The following TNNI3K variants were observed in gnomAD, a reference collection of about 807,000 sequenced individuals.
TNNI3K encodes TNNI3 interacting kinase, also known as serine/threonine-protein kinase TNNI3K.
A neutral mutation model predicts 114.5 loss-of-function variants in TNNI3K; 140 were observed. That is an observed-to-expected ratio of 1.22 (90% confidence interval 1.07 to 1.41). TNNI3K has a LOEUF of 1.41. Ranked by LOEUF, TNNI3K falls within the 40% of genes most tolerant of loss-of-function variation. The probability of loss-of-function intolerance (pLI) is 0.00; values close to 1 mark genes in which losing one functional copy is unlikely to be tolerated. For missense variants in TNNI3K, 1,125 were observed against 1,007.6 expected (o/e 1.12, Z -1.58); for synonymous variants, 347 against 347.5 (o/e 1.00, Z 0.02).
intron 21 of TNNI3K, chr1:74,481,083 CAAT>C: frequency 1.7e-6 from 1 of 585,328 alleles, no homozygotes; most frequent in South Asian, 2.2e-5. Flanking sequence ...TGGGTAAAAA[CAAT>C]AAACAATACA....
intron 17 of TNNI3K, among the ~76,000 whole-genome samples, chr1:74,389,333 G>A (rs1402943203): frequency 6.6e-6 from 1 of 152,170 alleles, no homozygotes; most frequent in Non-Finnish European, 1.5e-5. Flanking sequence ...CTTGTTGTCA[G>A]GGTAGATAAT....
intron 17 of TNNI3K, chr1:74,370,831 G>A (rs1321176938): frequency 6.6e-6 from 1 of 152,184 alleles, no homozygotes; most frequent in African/African-American, 2.4e-5. Context: ...CTAGTTATCA[G>A]GTAAAGAGGA....
At chr1:74,511,044 T>C (rs181424469) in intron 23 of TNNI3K, among the ~76,000 whole-genome samples, 19 of 151,212 alleles carry the variant, frequency 1.3e-4, no homozygotes, top group Non-Finnish European at 1.8e-4. Flanking sequence ...TCTGCCACCA[T>C]GCCCAGCTAA....
intron 4 of TNNI3K, among the ~76,000 whole-genome samples, chr1:74,262,145 T>C: frequency 6.6e-6 from 1 of 152,166 alleles, no homozygotes; most frequent in Non-Finnish European, 1.5e-5. Flanking sequence ...AGTAAGTGTT[T>C]CATAGTTTCT....
intron 4 of TNNI3K, 64 bp from the exon 5 acceptor site, chr1:74,271,534 T>C (rs372357839): frequency 6.8e-7 from 1 of 1,461,686 alleles, no homozygotes; most frequent in Middle Eastern, 1.9e-4. Context: ...CAATACATCC[T>C]GTTGCACAGC....
At chr1:74,348,479 G>A (rs1190762663) in intron 9 of TNNI3K, among the ~76,000 whole-genome samples, 5 of 152,188 alleles carry the variant, frequency 3.3e-5, no homozygotes, top group South Asian at 4.2e-4. Context: ...TTGGCAATGC[G>A]GGCTCTTTCT....
intron 21 of TNNI3K, among the ~76,000 whole-genome samples, chr1:74,484,212 T>TAAA (rs36109808): frequency 1.4e-5 from 2 of 144,644 alleles, no homozygotes; most frequent in South Asian, 2.2e-4. Context: ...CCTGGTTGAT[T>TAAA]AAAAAAAAAA....
In TNNI3K at chr1:74,544,312, A is replaced by T. The variant is rs1646761784; in HGVS notation, c.*330A>T. On this transcript the variant is annotated 3_prime_UTR_variant, in exon 25 of 25. Coordinates refer to ENST00000326637, the MANE Select transcript of TNNI3K (RefSeq NM_015978.3). ...TATGTTTTCCTGGGCTGAATTATGTAGACTTGTGTTTGACAGCTATGGGTT... is the reference window on the plus strand; with the variant it reads ...TATGTTTTCCTGGGCTGAATTATGTTGACTTGTGTTTGACAGCTATGGGTT... The T allele has an allele frequency of 8.8e-6, 2 of 226,378 alleles. No individual in the cohort carries two copies. 14.0% of individuals were successfully genotyped at this position (226,378 alleles called of 1,614,324 possible).
intron 5 of TNNI3K, among the ~76,000 whole-genome samples, chr1:74,281,922 C>T (rs763264996): frequency 6.6e-6 from 1 of 152,136 alleles, no homozygotes; most frequent in Non-Finnish European, 1.5e-5. Context: ...TTCTCTTTTT[C>T]CTAATTGCAG....
intron 17 of TNNI3K, among the ~76,000 whole-genome samples, chr1:74,402,706 A>G (rs1384334654): frequency 2.0e-5 from 3 of 152,194 alleles, no homozygotes; most frequent in African/African-American, 4.8e-5. Flanking sequence ...TGGTTGTAGG[A>G]CTGAAGTCCC....
intron 4 of TNNI3K, among the ~76,000 whole-genome samples, chr1:74,251,396 T>A (rs1048800735): frequency 2.8e-5 from 2 of 72,018 alleles, no homozygotes; most frequent in Admixed American, 2.8e-4. Context: ...GATCATTTTA[T>A]AATTATAATA....
At chr1:74,532,038 T>A (rs1646593028) in intron 23 of TNNI3K, among the ~76,000 whole-genome samples, 1 of 152,164 alleles carries the variant, frequency 6.6e-6, no homozygotes, top group African/African-American at 2.4e-5. Context: ...TTGCCTGAAG[T>A]CTTTAATCAC....
At chr1:74,445,947 C>T (rs949274460) in intron 20 of TNNI3K, among the ~76,000 whole-genome samples, 7 of 152,176 alleles carry the variant, frequency 4.6e-5, no homozygotes, top group Admixed American at 1.3e-4. Context: ...CATTGTTGGA[C>T]ATTTGGGTTG....
intron 9 of TNNI3K, 112 bp downstream of exon 9, chr1:74,343,291 C>G: frequency 8.5e-7 from 1 of 1,179,080 alleles, no homozygotes; most frequent in Non-Finnish European, 1.2e-6. Context: ...AATCAGAGAG[C>G]AATAGCAGAG....
intron 3 of TNNI3K, 24 bp from the exon 4 acceptor site, chr1:74,250,648 C>T: frequency 6.2e-7 from 1 of 1,604,802 alleles, no homozygotes; most frequent in South Asian, 1.1e-5. Context: ...AATGATTTAG[C>T]CTTTTTTCAT....
At chr1:74,390,024 G>A (rs1222098788) in intron 17 of TNNI3K, among the ~76,000 whole-genome samples, 1 of 152,204 alleles carries the variant, frequency 6.6e-6, no homozygotes, top group South Asian at 2.1e-4. Context: ...GATATTAGAG[G>A]CATTTGAAAG....
At chr1:74,298,409 A>C (rs1658119879) in intron 5 of TNNI3K, among the ~76,000 whole-genome samples, 1 of 152,146 alleles carries the variant, frequency 6.6e-6, no homozygotes, top group South Asian at 2.1e-4. Flanking sequence ...AAAATAAAGA[A>C]TTGTCATTTG....
chr1:74,281,527 C>G (rs1463983766), intron 5 of TNNI3K, among the ~76,000 whole-genome samples: 1 of 152,050 alleles, frequency 6.6e-6, no homozygotes, highest in African/African-American at 2.4e-5. Context: ...TACAATTTAA[C>G]TTAGGGAAAT....
In TNNI3K at chr1:74,248,061, G is replaced by A. The variant is rs180840233; in HGVS notation, c.150-1398G>A. Among the ~76,000 whole-genome samples the A allele has an allele frequency of 3.7e-3, 565 of 152,236 alleles. 5 individuals carry two copies. Among genetic ancestry groups the A allele is most frequent in the African/African-American group, 0.013 (538 of 41,554 alleles). On this transcript the variant is annotated intron_variant, in intron 2 of 24. Coordinates refer to ENST00000326637, the MANE Select transcript of TNNI3K (RefSeq NM_015978.3). ...GTCCTGAGCCCTGCCCCATGGGGAG[G>A]CAGCTGAGGCCTGGCAAGAATTCAA...
Sources: gnomAD v4.1 joint callset for allele counts (sites outside exome capture counted in the v4.1 genomes callset) on GRCh38, gnomAD v4.1.1 for gene constraint, MANE v1.5 for transcripts, NCBI Gene and HGNC (gene_info 2026-07-23, HGNC 2026-07-21) for gene names.